ARHGAP28: variants seen among roughly 807,000 people sequenced by gnomAD.
The protein encoded by ARHGAP28 is rho GTPase-activating protein 28.
Under a neutral mutation model 90.7 loss-of-function variants are expected in ARHGAP28, and 56 were observed. The ratio of observed to expected loss-of-function variants is 0.62; its 90% CI spans 0.50 to 0.77. The LOEUF is 0.77. Among genes scored for constraint, ARHGAP28 ranks in the 30% least tolerant of loss-of-function variants. The pLI, the probability that ARHGAP28 is intolerant of heterozygous loss-of-function variation, is 0.00. For synonymous variants in ARHGAP28, 308 were observed against 323.3 expected (o/e 0.95, Z 0.51); for missense variants, 869 against 900.9 (o/e 0.96, Z 0.45).
intron 1 of ARHGAP28, among the ~76,000 whole-genome samples, chr18:6,752,936 A>T (rs1157964903): frequency 1.0e-5 from 1 of 100,172 alleles, no homozygotes; most frequent in African/African-American, 3.1e-5. Context: ...TTTTTTACCC[A>T]CTAATTGGCA....
intron 1 of ARHGAP28, among the ~76,000 whole-genome samples, chr18:6,806,058 T>C (rs1227173609): frequency 2.6e-5 from 4 of 151,842 alleles, no homozygotes; most frequent in Admixed American, 6.6e-5. Context: ...CTAATTGTTT[T>C]GTTTTTTTGT....
At position 6,887,230 on chromosome 18, in the gene ARHGAP28, T is replaced by C; in HGVS notation, c.1527T>C (p.Asp509=). 3.7e-6 allele frequency: 6 copies of C among 1,614,098 alleles called. No individual in the cohort carries two copies. The highest frequency in any genetic ancestry group is 4.2e-6 in the Non-Finnish European group (5 of 1,179,998). ...TGGCGCTGCCTGATGCCAACAGAGA[T>C]GCAGCTCAGGTACGTCGTGTCCACC... is the stretch of plus-strand genomic sequence containing the variant. ...MVMALPDANR[D]AAQALMTFFN... The change falls in exon 12 of 18, where the codon GAT becomes GAC. Residue 509 remains aspartate (D), a synonymous_variant. Coordinates refer to ENST00000383472, the MANE Select transcript of ARHGAP28 (RefSeq NM_001366230.1).
At chr18:6,800,833 A>G (rs1247970461) in intron 1 of ARHGAP28, among the ~76,000 whole-genome samples, 1 of 152,220 alleles carries the variant, frequency 6.6e-6, no homozygotes, top group Non-Finnish European at 1.5e-5. Context: ...TGTTCTGCAC[A>G]TGCATCCCAG....
intron 1 of ARHGAP28, among the ~76,000 whole-genome samples, chr18:6,733,835 AC>A (rs1024129824): frequency 9.9e-5 from 15 of 152,182 alleles, no homozygotes; most frequent in Admixed American, 5.9e-4. Context: ...TACAACAACA[AC>A]AAAAAAACAT....
intron 1 of ARHGAP28, among the ~76,000 whole-genome samples, chr18:6,738,873 A>C (rs2055951191): frequency 6.6e-6 from 1 of 152,216 alleles, no homozygotes; most frequent in African/African-American, 2.4e-5. Context: ...ACCTACCGTA[A>C]CAAGCTGCCA....
chr18:6,817,885 G>A (rs2056602248), intron 1 of ARHGAP28, among the ~76,000 whole-genome samples: 1 of 152,202 alleles, frequency 6.6e-6, no homozygotes, highest in South Asian at 2.1e-4. Context: ...GGGACAACAG[G>A]GTTGGGAATA....
intron 7 of ARHGAP28, among the ~76,000 whole-genome samples, chr18:6,872,646 A>T (rs2057099145): frequency 6.6e-6 from 1 of 152,120 alleles, no homozygotes; most frequent in Non-Finnish European, 1.5e-5. Context: ...ATTATATAAG[A>T]ATAATCTTTT....
At chr18:6,747,300 G>C (rs979163380) in intron 1 of ARHGAP28, among the ~76,000 whole-genome samples, 2 of 152,092 alleles carry the variant, frequency 1.3e-5, no homozygotes, top group African/African-American at 4.8e-5. Flanking sequence ...TGTGATGTGT[G>C]TATATTGGTC....
intron 4 of ARHGAP28, among the ~76,000 whole-genome samples, chr18:6,857,871 T>TGAG (rs1442642314): frequency 6.6e-6 from 1 of 152,238 alleles, no homozygotes; most frequent in Admixed American, 6.5e-5. Context: ...CCTTTGCAGT[T>TGAG]GAGTAGATCT....
intron 4 of ARHGAP28, among the ~76,000 whole-genome samples, chr18:6,853,644 T>G (rs912855768): frequency 6.6e-6 from 1 of 152,084 alleles, no homozygotes; most frequent in Non-Finnish European, 1.5e-5. Flanking sequence ...GGCTAATTTT[T>G]TTGTATTTTT....
At chr18:6,776,472 A>G (rs973326395) in intron 1 of ARHGAP28, among the ~76,000 whole-genome samples, 1 of 152,172 alleles carries the variant, frequency 6.6e-6, no homozygotes, top group East Asian at 1.9e-4. Flanking sequence ...CAGCCATTCA[A>G]GTCTCCCTGA....
At chr18:6,778,632 T>C (rs1304056392) in intron 1 of ARHGAP28, among the ~76,000 whole-genome samples, 1 of 152,216 alleles carries the variant, frequency 6.6e-6, no homozygotes, top group Non-Finnish European at 1.5e-5. Flanking sequence ...AAATAATACC[T>C]GTAGGATTTC....
intron 1 of ARHGAP28, among the ~76,000 whole-genome samples, chr18:6,738,766 C>G (rs1282680582): frequency 6.6e-6 from 1 of 151,990 alleles, no homozygotes; most frequent in Non-Finnish European, 1.5e-5. Context: ...AGATAAAAAG[C>G]AGAAGAGAGA....
At chr18:6,850,618 C>A (rs977425844) in intron 3 of ARHGAP28, among the ~76,000 whole-genome samples, 2 of 152,224 alleles carry the variant, frequency 1.3e-5, no homozygotes, top group Non-Finnish European at 2.9e-5. Context: ...ACTTCATCCA[C>A]TTTCACAAGA....
chr18:6,870,453 G>A (rs2057074612), intron 6 of ARHGAP28, 137 bp from the exon 7 acceptor site: 2 of 841,448 alleles, frequency 2.4e-6, no homozygotes, highest in South Asian at 1.7e-5. Flanking sequence ...GGGTGAGTCT[G>A]CTGCTTTTCC....
intron 7 of ARHGAP28, 134 bp downstream of exon 7, chr18:6,870,866 T>G: frequency 2.2e-6 from 2 of 906,334 alleles, no homozygotes; most frequent in Non-Finnish European, 3.2e-6. Context: ...AGTGGCGCGA[T>G]CTCGGCTCAC....
At position 6,909,004 on chromosome 18, in the gene ARHGAP28, A is replaced by G; in HGVS notation, c.2075A>G (p.Tyr692Cys). 6.5e-7 allele frequency: 1 copy of G among 1,533,046 alleles called. No homozygotes were observed. The highest frequency in any genetic ancestry group is 1.1e-5 in the South Asian group (1 of 87,728). The allele number at this position is 1,533,046 out of a possible 1,614,324, so 95.0% of individuals were successfully genotyped here. Residue 692 changes from tyrosine to cysteine, a missense_variant, in exon 17 of 18, where the codon TAT becomes TGT. Tyr to Cys is a radical substitution (Grantham distance 194, BLOSUM62 -2). Transcript: ENST00000383472. ...ATTAAGATTCAGAACCAAAGGTTAT[A>G]TGAAATTGGAGGAAATATAGGTAAG... ...ECIKIQNQRL[Y>C]EIGGNIGEHC...
At chr18:6,849,413 T>C (rs548018856) in intron 3 of ARHGAP28, among the ~76,000 whole-genome samples, 1 of 152,318 alleles carries the variant, frequency 6.6e-6, no homozygotes, top group Middle Eastern at 3.4e-3. Flanking sequence ...TGTCCTGTCC[T>C]GCAGAAGGAT....
chr18:6,850,219 C>T (rs2056898858), intron 3 of ARHGAP28, among the ~76,000 whole-genome samples: 1 of 152,092 alleles, frequency 6.6e-6, no homozygotes, highest in African/African-American at 2.4e-5. Flanking sequence ...CCTCTCAGAT[C>T]TCTCTAAAAT....
Sources: allele counts gnomAD v4.1 joint callset (sites outside exome capture counted in the v4.1 genomes callset), GRCh38; gene constraint gnomAD v4.1.1; transcripts MANE v1.5; gene names NCBI Gene and HGNC (gene_info 2026-07-23, HGNC 2026-07-21).